Variants in PODXL2 observed in about 807,000 individuals in gnomAD.
PODXL2 encodes podocalyxin like 2, also known as podocalyxin-like protein 2.
A neutral mutation model predicts 53.4 loss-of-function variants in PODXL2; 17 were observed. The ratio of observed to expected loss-of-function variants is 0.32; its 90% CI spans 0.22 to 0.48. The LOEUF (loss-of-function observed/expected upper bound fraction) is 0.48. PODXL2 is among the 20% of genes least tolerant of loss of function. The pLI is 0.99. For missense variants in PODXL2, 673 were observed against 760.0 expected, an observed-to-expected ratio of 0.89 and a Z score of 1.35; for synonymous variants, 311 against 306.7, an observed-to-expected ratio of 1.01 and a Z score of -0.15.
At position 127,660,808 on chromosome 3, in the gene PODXL2, C is replaced by T. The variant is rs978876300; in HGVS notation, c.780C>T (p.Ser260=). Residue 260 remains serine, a synonymous_variant, in exon 3 of 8, where the codon TCC becomes TCT. Transcript: ENST00000342480. ...CAGTGACTCCGGGGGACCAGGACTC[C>T]ACCAGCCAAGAGGCAGAGGCCACAG... ...PTTVTPGDQD[S]TSQEAEATVL... The T allele has an allele frequency of 6.2e-7, 1 of 1,614,224 alleles. No homozygotes were observed. Among genetic ancestry groups the T allele is most frequent in the Non-Finnish European group, 8.5e-7 (1 of 1,180,028 alleles).
chr3:127,653,504 G>A (rs1437451278), intron 2 of PODXL2, among the ~76,000 whole-genome samples: 3 of 152,138 alleles, frequency 2.0e-5, no homozygotes, highest in Non-Finnish European at 4.4e-5. Flanking sequence ...AAATTAGCTG[G>A]GCGTGGTGGC....
At chr3:127,655,203 C>T (rs139538753) in intron 2 of PODXL2, among the ~76,000 whole-genome samples, 23 of 152,134 alleles carry the variant, frequency 1.5e-4, no homozygotes, top group African/African-American at 5.5e-4. Context: ...GCTTGGCCTC[C>T]CAAAGTACTG....
chr3:127,662,089 C>T (rs766103186), intron 3 of PODXL2, 148 bp from the exon 4 acceptor site: 54 of 644,022 alleles, frequency 8.4e-5, no homozygotes, highest in Non-Finnish European at 1.4e-4. Context: ...TGGTGCCTCA[C>T]AGAGGCTGTC....
rs2107548496 is a variant in PODXL2, at chr3:127,672,546, C to T, written c.*66C>T. ...GCGAGGTGGACCCCGAAACGGACGGCCCGGAGCCCGCACCAGCCCCGCGCC... is the reference window on the plus strand; with the variant it reads ...GCGAGGTGGACCCCGAAACGGACGGTCCGGAGCCCGCACCAGCCCCGCGCC... On this transcript the variant is annotated 3_prime_UTR_variant, in exon 8 of 8. Coordinates refer to ENST00000342480, the MANE Select transcript of PODXL2 (RefSeq NM_015720.4). 2 of 1,083,378 alleles carry T rather than the reference C, an allele frequency of 1.8e-6. No homozygotes were observed. The highest frequency in any genetic ancestry group is 1.7e-5 in the South Asian group (1 of 57,704). 67.1% of individuals were successfully genotyped at this position (1,083,378 alleles called of 1,614,324 possible). A position where few individuals can be genotyped will look rare whatever the true frequency, so the allele number is the denominator to read the frequency against.
chr3:127,637,211 A>G (rs1177992115), intron 1 of PODXL2, among the ~76,000 whole-genome samples: 3 of 152,174 alleles, frequency 2.0e-5, no homozygotes, highest in African/African-American at 7.2e-5. Context: ...ACGGGATCTT[A>G]GAGGTTGGCA....
In PODXL2 at chr3:127,660,750, C is replaced by G. The variant is rs749989317; in HGVS notation, c.722C>G (p.Pro241Arg). ...GTGGAGGTGGAGAGCAGCATGGGGCCCAGCTTGCTGCTGCCTTCAGTCACC... is the reference window on the plus strand; with the variant it reads ...GTGGAGGTGGAGAGCAGCATGGGGCGCAGCTTGCTGCTGCCTTCAGTCACC... Reference protein sequence around the residue: ...SGVEVESSMGPSLLLPSVTPT... With the variant: ...SGVEVESSMGRSLLLPSVTPT... Residue 241 changes from proline to arginine, a missense_variant, in exon 3 of 8, where the codon CCC (proline) becomes CGC (arginine). Pro to Arg is a moderately radical substitution (Grantham distance 103). Transcript: ENST00000342480. 31 of 1,614,064 alleles carry G rather than the reference C, an allele frequency of 1.9e-5. No homozygotes were observed. The highest frequency in any genetic ancestry group is 2.5e-5 in the Non-Finnish European group (29 of 1,180,030).
At chr3:127,672,228 C>G (rs1296696899) in intron 7 of PODXL2, 40 bp from the exon 8 acceptor site, 2 of 1,511,746 alleles carry the variant, frequency 1.3e-6, no homozygotes, top group Non-Finnish European at 1.8e-6. Context: ...TGTCCGGGGG[C>G]TGGCTCGCTC....
intron 2 of PODXL2, among the ~76,000 whole-genome samples, chr3:127,652,207 C>T (rs1021868025): frequency 6.6e-6 from 1 of 152,240 alleles, no homozygotes; most frequent in African/African-American, 2.4e-5. Context: ...CTCTCCTGGG[C>T]TCCCTCATGT....
In PODXL2 at chr3:127,661,268, GCC is replaced by G; in HGVS notation, c.1131+111_1131+112del. The G allele has an allele frequency of 8.7e-6, 7 of 804,108 alleles. No individual in the cohort carries two copies. The South Asian group carries it at 1.2e-4, about 14-fold the overall frequency. 49.8% of individuals were successfully genotyped at this position (804,108 alleles called of 1,614,324 possible). On this transcript the variant is annotated intron_variant, in intron 3 of 7. Coordinates refer to ENST00000342480, the MANE Select transcript of PODXL2 (RefSeq NM_015720.4). ...AGGATCTGCCAGGTTGAGGAGGGAG[GCC>G]CTTTCCACAGCACGTAGAACCCCAT...
intron 7 of PODXL2, among the ~76,000 whole-genome samples, chr3:127,671,906 A>AG (rs1255492243): frequency 6.6e-6 from 1 of 152,200 alleles, no homozygotes; most frequent in East Asian, 1.9e-4. Context: ...ATACCTCACC[A>AG]GAGGCAGGCC....
rs757894545 is a variant in PODXL2 at position 127,653,652 on chromosome 3, G to GAAA, written c.350-6715_350-6713dup. Among the ~76,000 whole-genome samples the GAAA allele has an allele frequency of 2.2e-4, 27 of 121,336 alleles. 1 individual carries two copies. The South Asian group carries it at 6.8e-3, about 30-fold the overall frequency. The allele number at this position is 121,336 out of a possible 152,430, so 79.6% of individuals were successfully genotyped here. A position where few individuals can be genotyped will look rare whatever the true frequency, so the allele number is the denominator to read the frequency against. On this transcript the variant is annotated intron_variant, in intron 2 of 7. Coordinates refer to ENST00000342480, the MANE Select transcript of PODXL2 (RefSeq NM_015720.4). ...CAGAGTGAGACTCCATCTCAAAAAA[G>GAAA]AAAAAAAAAAAAAGAGAGAAAGTGT...
chr3:127,644,096 TA>T (rs1449298278), intron 2 of PODXL2, among the ~76,000 whole-genome samples: 16 of 152,312 alleles, frequency 1.1e-4, no homozygotes, highest in Admixed American at 8.5e-4. Flanking sequence ...CTTATCATTT[TA>T]AAGAAATGAT....
At chr3:127,664,246 A>G (rs1460915299) in intron 4 of PODXL2, among the ~76,000 whole-genome samples, 1 of 152,134 alleles carries the variant, frequency 6.6e-6, no homozygotes, top group East Asian at 1.9e-4. Context: ...GAATTAGACA[A>G]CATTTGTCAT....
rs2107701138 is a variant in PODXL2 at position 127,629,821 on chromosome 3, G to A, written c.70+532G>A. ...CCGGGAGGGAGTGTGAGTGTGTCAC[G>A]GTGAATGGGTATTCTCTCCTGTTCT... On this transcript the variant is annotated intron_variant, in intron 1 of 7. Coordinates refer to ENST00000342480, the MANE Select transcript of PODXL2 (RefSeq NM_015720.4). This position sits in a 1 kb window ranked among gnomAD's most constrained non-coding sequence, Gnocchi z 6.4. Among the ~76,000 whole-genome samples, 1 of 152,274 alleles carries A rather than the reference G, an allele frequency of 6.6e-6. No individual in the cohort carries two copies. The highest frequency in any genetic ancestry group is 1.9e-4 in the East Asian group (1 of 5,166).
In PODXL2 at chr3:127,629,345, C is replaced by A; in HGVS notation, c.70+56C>A. The A allele has an allele frequency of 2.0e-6, 2 of 1,004,898 alleles. No individual in the cohort carries two copies. Among genetic ancestry groups the A allele is most frequent in the Non-Finnish European group, 2.4e-6 (2 of 843,252 alleles). 62.2% of individuals were successfully genotyped at this position (1,004,898 alleles called of 1,614,324 possible). On this transcript the variant is annotated intron_variant, in intron 1 of 7. Transcript: ENST00000342480. The surrounding 1 kb of genome is among the most constrained non-coding windows in gnomAD (Gnocchi z 6.4). ...GGCGGGCGGCGGCGTGGGCGCGGTG[C>A]TGGACAGCTCCCCGGGCCGCCAACA...
In PODXL2 at chr3:127,672,451, G is replaced by C. The variant is rs1328438761; in HGVS notation, c.1789G>C (p.Asp597His). ...GGGCAAGCGGGACCCCGAGGACTCG[G>C]ACGTGTTCGAGGAGGACACGCACCT... ...MGGKRDPEDS[D>H]VFEEDTHL Residue 597 changes from aspartate to histidine, a missense_variant, in exon 8 of 8, where the codon GAC (aspartate) becomes CAC (histidine). This residue lies in a region of PODXL2 where 79 missense variants were observed against 70.5 expected (regional missense o/e 1.12). Coordinates refer to ENST00000342480, the MANE Select transcript of PODXL2 (RefSeq NM_015720.4). 1.3e-6 allele frequency: 2 copies of C among 1,535,062 alleles called. No homozygotes were observed. Among genetic ancestry groups the C allele is most frequent in the South Asian group, 2.4e-5 (2 of 83,402 alleles).
chr3:127,648,473 A>G (rs80062869), intron 2 of PODXL2, among the ~76,000 whole-genome samples: 2,591 of 152,334 alleles, frequency 0.017, 31 homozygotes, highest in Non-Finnish European at 0.025. Flanking sequence ...AGACACCAAA[A>G]CAAAAGCCTT....
chr3:127,668,623 G>GC, intron 5 of PODXL2, 26 bp downstream of exon 5: 1 of 1,483,816 alleles, frequency 6.7e-7, no homozygotes, highest in Non-Finnish European at 9.0e-7. Flanking sequence ...TGATGGGAGG[G>GC]CCCAGGAGGG....
chr3:127,634,031 C>G (rs1311496549), intron 1 of PODXL2, among the ~76,000 whole-genome samples: 1 of 151,940 alleles, frequency 6.6e-6, no homozygotes, highest in Admixed American at 6.6e-5. Context: ...AAGGTGGGTG[C>G]AGAGAGGGGA....
Sources: gnomAD v4.1 joint callset for allele counts (sites outside exome capture counted in the v4.1 genomes callset) on GRCh38, gnomAD v4.1.1 for gene constraint, gnomAD v4.1.1 regional missense constraint, Gnocchi (gnomAD v3.1) non-coding constraint, MANE v1.5 for transcripts, NCBI Gene and HGNC (gene_info 2026-07-23, HGNC 2026-07-21) for gene names.